TNFSF18: variants seen among roughly 807,000 people sequenced by gnomAD.
The protein encoded by TNFSF18 is TNF superfamily member 18, also known as tumor necrosis factor ligand superfamily member 18.
Under a neutral mutation model 9.6 loss-of-function variants are expected in TNFSF18, and 6 were observed. The ratio of observed to expected loss-of-function variants is 0.63; its 90% CI spans 0.34 to 1.24. The LOEUF (loss-of-function observed/expected upper bound fraction) is 1.24, where lower values mean the gene tolerates loss of function less well. TNFSF18 is among the 50% of genes most tolerant of loss of function. The probability of loss-of-function intolerance (pLI) is 0.03; values close to 1 mark genes in which losing one functional copy is unlikely to be tolerated. For missense variants in TNFSF18, 210 were observed against 201.0 expected (o/e 1.04, Z -0.27); for synonymous variants, 68 against 71.7 (o/e 0.95, Z 0.26).
chr1:173,042,874 A>ATC (rs1283258913), intron 2 of TNFSF18, among the ~76,000 whole-genome samples: 3 of 152,140 alleles, frequency 2.0e-5, no homozygotes, highest in Non-Finnish European at 4.4e-5. Flanking sequence ...GACTAATATA[A>ATC]GACTCTGAAG....
In TNFSF18 at chr1:173,039,900, G is replaced by T. The variant is rs1664962698; in HGVS notation, c.*1467C>A. The T allele has an allele frequency of 6.6e-6, 1 of 151,528 alleles. No homozygotes were observed. Among genetic ancestry groups the T allele is most frequent in the East Asian group, 1.9e-4 (1 of 5,148 alleles). The allele number at this position is 151,528 out of a possible 1,614,324, so 9.4% of individuals were successfully genotyped here. ...ATACTAAGAAACAACTTGGCCTCAG[G>T]CTTAGCATGCTCCTGAGCAATTTTT... is the stretch of plus-strand genomic sequence containing the variant. On this transcript the variant is annotated 3_prime_UTR_variant, in exon 3 of 3. Coordinates refer to ENST00000404377, the MANE Select transcript of TNFSF18 (RefSeq NM_005092.4).
intron 1 of TNFSF18, among the ~76,000 whole-genome samples, chr1:173,048,666 T>G (rs981030359): frequency 6.6e-6 from 1 of 152,228 alleles, no homozygotes; most frequent in Non-Finnish European, 1.5e-5. Context: ...TAACACTTTT[T>G]AAAGTGTTAC....
intron 1 of TNFSF18, among the ~76,000 whole-genome samples, chr1:173,047,333 G>A (rs1665101970): frequency 6.6e-6 from 1 of 152,180 alleles, no homozygotes; most frequent in East Asian, 1.9e-4. Flanking sequence ...AGAAATAATA[G>A]CACCTAGCTT....
chr1:173,046,295 A>C (rs1467054056), intron 1 of TNFSF18, among the ~76,000 whole-genome samples: 1 of 152,152 alleles, frequency 6.6e-6, no homozygotes, highest in Non-Finnish European at 1.5e-5. Context: ...GGAGGTGTTA[A>C]AGCTATAGAT....
intron 1 of TNFSF18, among the ~76,000 whole-genome samples, chr1:173,048,904 T>C (rs1665123709): frequency 6.6e-6 from 1 of 152,190 alleles, no homozygotes; most frequent in African/African-American, 2.4e-5. Context: ...TACAGGTAAG[T>C]GGAAAGTGAA....
chr1:173,049,245 C>T (rs1665131562), intron 1 of TNFSF18, among the ~76,000 whole-genome samples: 2 of 152,128 alleles, frequency 1.3e-5, no homozygotes, highest in Admixed American at 6.6e-5. Flanking sequence ...GTATTCATTC[C>T]TGAGTCATAT....
intron 1 of TNFSF18, among the ~76,000 whole-genome samples, chr1:173,046,797 T>A (rs1430190906): frequency 6.6e-6 from 1 of 152,138 alleles, no homozygotes. Flanking sequence ...TGATAATATG[T>A]TATTGAAAGG....
intron 1 of TNFSF18, among the ~76,000 whole-genome samples, chr1:173,047,085 A>G (rs1665098083): frequency 6.6e-6 from 1 of 151,982 alleles, no homozygotes; most frequent in Non-Finnish European, 1.5e-5. Flanking sequence ...TTGTAGAGAC[A>G]GGGTTTTGCC....
chr1:173,040,468 A>G lies in TNFSF18; in HGVS notation c.*899T>C, dbSNP rs1240480972. 6.6e-6 allele frequency: 1 copy of G among 152,170 alleles called. No individual in the cohort carries two copies. The highest frequency in any genetic ancestry group is 1.5e-5 in the Non-Finnish European group (1 of 68,016). The allele number at this position is 152,170 out of a possible 1,614,324, so 9.4% of individuals were successfully genotyped here. A position where few individuals can be genotyped will look rare whatever the true frequency, so the allele number is the denominator to read the frequency against. On this transcript the variant is annotated 3_prime_UTR_variant, in exon 3 of 3. Transcript: ENST00000404377. Reference sequence around the variant, plus strand: ...GGCTATGCTATGCTATCACATTCTCATCACTAAAATTTTCCCCCAAATGCC... The same window carrying G: ...GGCTATGCTATGCTATCACATTCTCGTCACTAAAATTTTCCCCCAAATGCC...
At chr1:173,043,857 A>T (rs77521540) in intron 2 of TNFSF18, 82 bp downstream of exon 2, 46,803 of 1,213,224 alleles carry the variant, frequency 0.039, 1,163 homozygotes, top group South Asian at 0.088. Flanking sequence ...AAGAAAATAC[A>T]GGTTTTCTTG....
rs115295988 is a variant in TNFSF18 at position 173,039,581 on chromosome 1, T to C, written c.*1786A>G. Among the ~76,000 whole-genome samples, 653 of 152,236 alleles carry C rather than the reference T, an allele frequency of 4.3e-3. 7 individuals are homozygous for C. Among genetic ancestry groups the C allele is most frequent in the Non-Finnish European group, 4.4e-3 (296 of 68,018 alleles). Reference sequence around the variant, plus strand: ...CTCCCACCATAGCCAATTTCAAGAATGCCTATAGTTAATAACTAAAGTGCA... The same window carrying C: ...CTCCCACCATAGCCAATTTCAAGAACGCCTATAGTTAATAACTAAAGTGCA... On this transcript the variant is annotated 3_prime_UTR_variant, in exon 3 of 3. Coordinates refer to ENST00000404377, the MANE Select transcript of TNFSF18 (RefSeq NM_005092.4).
chr1:173,042,183 C>T (rs1665005493), intron 2 of TNFSF18, among the ~76,000 whole-genome samples: 1 of 152,180 alleles, frequency 6.6e-6, no homozygotes, highest in African/African-American at 2.4e-5. Context: ...GTTCTCCTAT[C>T]ATTCCCTCAT....
At chr1:173,043,472 G>A (rs1294202679) in intron 2 of TNFSF18, among the ~76,000 whole-genome samples, 2 of 152,144 alleles carry the variant, frequency 1.3e-5, no homozygotes, top group Non-Finnish European at 2.9e-5. Flanking sequence ...GCTTAGAAGA[G>A]AAAATAGTAG....
At chr1:173,048,527 C>A (rs139841099) in intron 1 of TNFSF18, among the ~76,000 whole-genome samples, 3 of 152,216 alleles carry the variant, frequency 2.0e-5, no homozygotes, top group Middle Eastern at 3.4e-3. Context: ...GTGATAATTC[C>A]TGTGAGATTA....
At chr1:173,048,933 T>C (rs1000689057) in intron 1 of TNFSF18, among the ~76,000 whole-genome samples, 1 of 152,220 alleles carries the variant, frequency 6.6e-6, no homozygotes, top group African/African-American at 2.4e-5. Context: ...GCTAATATCA[T>C]GTATGGTTGG....
At chr1:173,047,675 A>T (rs1452611725) in intron 1 of TNFSF18, among the ~76,000 whole-genome samples, 1 of 152,226 alleles carries the variant, frequency 6.6e-6, no homozygotes, top group Non-Finnish European at 1.5e-5. Context: ...ACTAGCATGT[A>T]TGAGATGTGC....
Position 173,039,741 on chromosome 1 carries a change from C to T in TNFSF18, c.*1626G>A, listed in dbSNP as rs950073762. ...ACATATATATACACACACACATATA[C>T]ACACACACACACACACACACACACA... On this transcript the variant is annotated 3_prime_UTR_variant, in exon 3 of 3. Coordinates refer to ENST00000404377, the MANE Select transcript of TNFSF18 (RefSeq NM_005092.4). Among the ~76,000 whole-genome samples, 35 of 138,820 alleles carry T rather than the reference C, an allele frequency of 2.5e-4. No individual in the cohort carries two copies. The highest frequency in any genetic ancestry group is 3.6e-3 in the Middle Eastern group (1 of 276). 91.1% of individuals were successfully genotyped at this position (138,820 alleles called of 152,430 possible).
chr1:173,043,904 A>G (rs773734852), intron 2 of TNFSF18, 35 bp downstream of exon 2: 4 of 1,597,098 alleles, frequency 2.5e-6, no homozygotes, highest in Non-Finnish European at 3.4e-6. Flanking sequence ...TCAAAAACTA[A>G]GAAAAGTAAA....
chr1:173,048,863 T>G (rs565548499), intron 1 of TNFSF18, among the ~76,000 whole-genome samples: 3 of 152,290 alleles, frequency 2.0e-5, no homozygotes, highest in African/African-American at 7.2e-5. Context: ...TTTCCAGAGA[T>G]ATTTATTTGT....
Sources: gnomAD v4.1 joint callset for allele counts (sites outside exome capture counted in the v4.1 genomes callset) on GRCh38, gnomAD v4.1.1 for gene constraint, MANE v1.5 for transcripts, NCBI Gene and HGNC (gene_info 2026-07-23, HGNC 2026-07-21) for gene names.